The following NEBL variants were observed in gnomAD, a reference collection of about 807,000 sequenced individuals.
NEBL encodes the protein LIM and SH3 protein 2.
NEBL carries 122 observed loss-of-function variants against 140.2 expected under a neutral mutation model. The ratio of observed to expected loss-of-function variants is 0.87; its 90% CI spans 0.75 to 1.01. The LOEUF is 1.01. Ranked by LOEUF, NEBL falls within the 50% of genes least tolerant of loss-of-function variation. NEBL has a pLI of 0.00. For missense variants in NEBL, 1,365 were observed against 1,231.3 expected, an observed-to-expected ratio of 1.11 and a Z score of -1.62; for synonymous variants, 436 against 398.9, an observed-to-expected ratio of 1.09 and a Z score of -1.11.
intron 3 of NEBL, among the ~76,000 whole-genome samples, chr10:21,195,885 A>G (rs1217243700): frequency 6.6e-6 from 1 of 152,216 alleles, no homozygotes; most frequent in East Asian, 1.9e-4. Context: ...TATTCATTTC[A>G]TAAGGGCTGT....
At chr10:20,811,714 T>C (rs942722375) in intron 24 of NEBL, among the ~76,000 whole-genome samples, 1 of 152,206 alleles carries the variant, frequency 6.6e-6, no homozygotes, top group Admixed American at 6.5e-5. Flanking sequence ...GGCCTTTCAC[T>C]AGTACCAAAA....
intron 10 of NEBL, 67 bp from the exon 11 acceptor site, chr10:20,850,569 A>G: frequency 1.9e-6 from 2 of 1,027,482 alleles, no homozygotes; most frequent in Non-Finnish European, 3.0e-6. Flanking sequence ...AACTAAGAAA[A>G]AATATATGTT....
At chr10:20,819,550 T>C (rs749522411) in intron 19 of NEBL, 34 bp from the exon 20 acceptor site, 8 of 1,612,838 alleles carry the variant, frequency 5.0e-6, no homozygotes, top group East Asian at 2.2e-5. Context: ...TTTGAGATTA[T>C]GGGAAATAAA....
chr10:21,236,865 T>C (rs1036049415), intron 3 of NEBL, among the ~76,000 whole-genome samples: 1 of 151,948 alleles, frequency 6.6e-6, no homozygotes, highest in Non-Finnish European at 1.5e-5. Flanking sequence ...GTTCCAAGAG[T>C]TTCACATCTT....
At chr10:21,028,989 C>A in intron 2 of NEBL, 1 of 595,018 alleles carries the variant, frequency 1.7e-6, no homozygotes. Flanking sequence ...GTTGCTTTCC[C>A]GCTCCCAACA....
chr10:21,086,229 T>G (rs1274822205), intron 2 of NEBL, among the ~76,000 whole-genome samples: 4 of 152,206 alleles, frequency 2.6e-5, no homozygotes, highest in African/African-American at 9.7e-5. Flanking sequence ...TTTCTAGAAG[T>G]GTTTAGAAAT....
chr10:21,182,232 A>G (rs1026348549), intron 3 of NEBL, among the ~76,000 whole-genome samples: 2 of 151,836 alleles, frequency 1.3e-5, no homozygotes, highest in Non-Finnish European at 2.9e-5. Context: ...AGCACTTTAG[A>G]AAGCTGAGGC....
chr10:21,121,215 C>T (rs1282961128), intron 2 of NEBL, among the ~76,000 whole-genome samples: 1 of 152,070 alleles, frequency 6.6e-6, no homozygotes, highest in Admixed American at 6.6e-5. Flanking sequence ...TTCTTTCCAT[C>T]CCTTTCTATC....
chr10:21,199,231 C>T (rs1335275141), intron 3 of NEBL, among the ~76,000 whole-genome samples: 1 of 151,862 alleles, frequency 6.6e-6, no homozygotes, highest in Non-Finnish European at 1.5e-5. Context: ...GGGGGTCTCA[C>T]TATGTTGCTA....
intron 3 of NEBL, among the ~76,000 whole-genome samples, chr10:21,221,096 G>T (rs1283573862): frequency 6.6e-6 from 1 of 152,162 alleles, no homozygotes; most frequent in Non-Finnish European, 1.5e-5. Flanking sequence ...GGAAGCTTCA[G>T]AGAGCTATAA....
intron 1 of NEBL, among the ~76,000 whole-genome samples, chr10:21,263,986 G>A (rs1243588747): frequency 1.3e-5 from 2 of 152,100 alleles, no homozygotes; most frequent in Non-Finnish European, 2.9e-5. Context: ...ACAAAAAGCA[G>A]TTAAACCAAA....
chr10:21,023,930 T>C (rs1838912360), intron 2 of NEBL, among the ~76,000 whole-genome samples: 1 of 152,106 alleles, frequency 6.6e-6, no homozygotes, highest in South Asian at 2.1e-4. Flanking sequence ...AGGAAAATAA[T>C]TGAATTGTTC....
chr10:21,260,920 C>G (rs1436384477), intron 1 of NEBL, among the ~76,000 whole-genome samples: 1 of 152,116 alleles, frequency 6.6e-6, no homozygotes, highest in African/African-American at 2.4e-5. Flanking sequence ...CAGGCGCTCT[C>G]GATACTTAAA....
At chr10:20,935,578 T>C (rs1384034776) in intron 4 of NEBL, among the ~76,000 whole-genome samples, 1 of 152,206 alleles carries the variant, frequency 6.6e-6, no homozygotes, top group African/African-American at 2.4e-5. Flanking sequence ...AGAGACTGAT[T>C]CTGGAATCTG....
At chr10:20,834,205 G>T (rs1023792045) in intron 14 of NEBL, among the ~76,000 whole-genome samples, 2 of 151,826 alleles carry the variant, frequency 1.3e-5, no homozygotes, top group African/African-American at 4.8e-5. Context: ...ACTTAAATGG[G>T]GTCTGACCCC....
intron 2 of NEBL, among the ~76,000 whole-genome samples, chr10:21,251,342 T>C (rs936359015): frequency 7.2e-5 from 11 of 152,218 alleles, no homozygotes; most frequent in Non-Finnish European, 1.0e-4. Flanking sequence ...GGGGTAGGGC[T>C]ATCTGAACTA....
intron 27 of NEBL, among the ~76,000 whole-genome samples, chr10:20,786,410 T>C (rs11597712): frequency 0.27 from 41,566 of 152,138 alleles, 6,964 homozygotes; most frequent in South Asian, 0.47. Flanking sequence ...GGTTTCTGTA[T>C]CACTATGAGA....
At chr10:21,150,860 A>C (rs1840109457) in intron 2 of NEBL, among the ~76,000 whole-genome samples, 1 of 152,208 alleles carries the variant, frequency 6.6e-6, no homozygotes, top group Non-Finnish European at 1.5e-5. Context: ...GAATTTCACC[A>C]ACTTCTTCAA....
At chr10:21,285,354 A>C (rs1362230878) in intron 1 of NEBL, among the ~76,000 whole-genome samples, 1 of 152,202 alleles carries the variant, frequency 6.6e-6, no homozygotes, top group Non-Finnish European at 1.5e-5. Flanking sequence ...ACTGAGATAG[A>C]TGCATATCTG....
Sources: gnomAD v4.1 joint callset for allele counts (sites outside exome capture counted in the v4.1 genomes callset) on GRCh38, gnomAD v4.1.1 for gene constraint, MANE v1.5 for transcripts, NCBI Gene and HGNC (gene_info 2026-07-23, HGNC 2026-07-21) for gene names.